Variants in MYZAP observed in about 807,000 individuals in gnomAD.
MYZAP encodes myocardial zonula adherens protein.
In MYZAP, 66 loss-of-function variants were observed where a neutral mutation model predicts 69.4. That is an observed-to-expected ratio of 0.95 (90% CI 0.78 to 1.17). The LOEUF is 1.17. MYZAP is among the 50% of genes most tolerant of loss of function. The pLI, the probability that MYZAP is intolerant of heterozygous loss-of-function variation, is 0.00. For missense variants in MYZAP, 611 were observed against 556.2 expected, an observed-to-expected ratio of 1.10 and a Z score of -0.99; for synonymous variants, 256 against 205.9, an observed-to-expected ratio of 1.24 and a Z score of -2.09.
At chr15:57,657,295 A>G (rs183735498) in intron 10 of MYZAP, among the ~76,000 whole-genome samples, 1 of 152,284 alleles carries the variant, frequency 6.6e-6, no homozygotes, top group Admixed American at 6.5e-5. Flanking sequence ...TCATTTAAAG[A>G]TTTTAAAAGT....
At chr15:57,610,548 C>A (rs769639204) in intron 2 of MYZAP, among the ~76,000 whole-genome samples, 44 of 152,162 alleles carry the variant, frequency 2.9e-4, no homozygotes, top group Non-Finnish European at 5.1e-4. Flanking sequence ...GTCCCGGCTT[C>A]CTCATGAACC....
chr15:57,631,966 C>T (rs2036532378), intron 6 of MYZAP, among the ~76,000 whole-genome samples: 1 of 152,150 alleles, frequency 6.6e-6, no homozygotes, highest in African/African-American at 2.4e-5. Flanking sequence ...TTCTCACCTC[C>T]TAAGCCAGGC....
chr15:57,631,576 G>A (rs1282132887), intron 6 of MYZAP, among the ~76,000 whole-genome samples: 1 of 152,070 alleles, frequency 6.6e-6, no homozygotes, highest in African/African-American at 2.4e-5. Flanking sequence ...CACTGCAAAT[G>A]GAGCACACAG....
intron 1 of MYZAP, among the ~76,000 whole-genome samples, chr15:57,593,882 G>A (rs1410536945): frequency 6.6e-6 from 1 of 152,148 alleles, no homozygotes. Context: ...GCTGGGGATT[G>A]TGTGTGTGGT....
chr15:57,593,353 T>G (rs1463013950), intron 1 of MYZAP, among the ~76,000 whole-genome samples: 2 of 152,124 alleles, frequency 1.3e-5, no homozygotes, highest in African/African-American at 4.8e-5. Flanking sequence ...AGTTGGGTGT[T>G]TGTATTTTTC....
In MYZAP at chr15:57,624,813, T is replaced by G. The variant is rs1164581758; in HGVS notation, c.412-966T>G. Reference sequence around the variant, plus strand: ...CACTGCTGAACACAAAGCTGCCACATGCTCCTGGGCCTGGCTTGCTGCTTC... The same window carrying G: ...CACTGCTGAACACAAAGCTGCCACAGGCTCCTGGGCCTGGCTTGCTGCTTC... On this transcript the variant is annotated intron_variant, in intron 4 of 12. Transcript: ENST00000267853. Among the ~76,000 whole-genome samples the G allele has an allele frequency of 3.3e-5, 5 of 152,302 alleles. No homozygotes were observed. In the East Asian group the frequency reaches 9.7e-4, roughly 29 times the overall value.
intron 3 of MYZAP, among the ~76,000 whole-genome samples, chr15:57,620,837 A>G (rs2035760354): frequency 6.6e-6 from 1 of 152,134 alleles, no homozygotes. Context: ...TTCTACTTGT[A>G]AAAACATGTG....
intron 4 of MYZAP, among the ~76,000 whole-genome samples, chr15:57,624,465 G>T (rs575803849): frequency 6.6e-6 from 1 of 152,138 alleles, no homozygotes; most frequent in Non-Finnish European, 1.5e-5. Context: ...TAGGAATGGG[G>T]CTGTATAAAC....
intron 7 of MYZAP, 68 bp from the exon 8 acceptor site, chr15:57,633,545 T>C (rs951531514): frequency 5.2e-6 from 8 of 1,537,686 alleles, no homozygotes; most frequent in Non-Finnish European, 7.0e-6. Flanking sequence ...AGGCCTGAGC[T>C]GATTGGATCC....
At chr15:57,621,155 T>C (rs1052240986) in intron 3 of MYZAP, among the ~76,000 whole-genome samples, 9 of 148,598 alleles carry the variant, frequency 6.1e-5, no homozygotes, top group Non-Finnish European at 8.9e-5. Flanking sequence ...TCCCTTAATT[T>C]CCTGTCTTGT....
intron 10 of MYZAP, among the ~76,000 whole-genome samples, chr15:57,641,550 G>A (rs1234248278): frequency 6.6e-6 from 1 of 152,194 alleles, no homozygotes; most frequent in Non-Finnish European, 1.5e-5. Flanking sequence ...GGAAGGCCCA[G>A]TCGTTGGAAA....
intron 10 of MYZAP, among the ~76,000 whole-genome samples, chr15:57,643,090 T>G (rs1241054096): frequency 6.6e-6 from 1 of 152,198 alleles, no homozygotes; most frequent in Non-Finnish European, 1.5e-5. Context: ...TCCAGCTGAT[T>G]CTGGCTTTGA....
chr15:57,678,041 C>CAAAAAAAAAAAAAAAA (rs56102709), intron 12 of MYZAP, among the ~76,000 whole-genome samples: 55 of 116,218 alleles, frequency 4.7e-4, no homozygotes, highest in African/African-American at 7.7e-4. Flanking sequence ...TTATCTCTAC[C>CAAAAAAAAAAAAAAAA]AAAAAAAAAA....
At chr15:57,651,285 A>C (rs2037713745) in intron 10 of MYZAP, among the ~76,000 whole-genome samples, 1 of 152,200 alleles carries the variant, frequency 6.6e-6, no homozygotes, top group Non-Finnish European at 1.5e-5. Flanking sequence ...ACTCCCTTGG[A>C]CACTCCTGTT....
At chr15:57,655,971 G>A (rs1456285732) in intron 10 of MYZAP, among the ~76,000 whole-genome samples, 1 of 152,186 alleles carries the variant, frequency 6.6e-6, no homozygotes, top group Non-Finnish European at 1.5e-5. Context: ...TAATGCCCTG[G>A]TTTGAGTTTG....
chr15:57,596,214 G>T (rs1262675049), intron 1 of MYZAP, among the ~76,000 whole-genome samples: 3 of 152,172 alleles, frequency 2.0e-5, no homozygotes, highest in Admixed American at 1.3e-4. Context: ...GGCACTGATG[G>T]AGTGCTGCGT....
intron 1 of MYZAP, among the ~76,000 whole-genome samples, chr15:57,598,016 TA>T (rs1324712698): frequency 1.3e-5 from 2 of 152,238 alleles, no homozygotes; most frequent in African/African-American, 2.4e-5. Flanking sequence ...TGCACTTGGC[TA>T]ATTTCCTTAG....
chr15:57,624,379 T>C (rs1419403732), intron 4 of MYZAP, among the ~76,000 whole-genome samples: 1 of 152,100 alleles, frequency 6.6e-6, no homozygotes, highest in Non-Finnish European at 1.5e-5. Context: ...GCTACGTAAA[T>C]ATATCTCCCT....
rs145878663 is a variant in MYZAP at position 57,684,355 on chromosome 15, G to A, written c.1305-47G>A. 1,415 of 1,275,110 alleles carry A rather than the reference G, an allele frequency of 1.1e-3. 28 individuals carry two copies. In the East Asian group the frequency reaches 0.029, roughly 26 times the overall value. 79.0% of individuals were successfully genotyped at this position (1,275,110 alleles called of 1,614,324 possible). A position where few individuals can be genotyped will look rare whatever the true frequency, so the allele number is the denominator to read the frequency against. Reference sequence around the variant, plus strand: ...TCTTACCATGTGAAGCATATGGGGGGTTTTGTTTTGTTTCATTTTCCTGAC... The same window carrying A: ...TCTTACCATGTGAAGCATATGGGGGATTTTGTTTTGTTTCATTTTCCTGAC... On this transcript the variant is annotated intron_variant, in intron 12 of 12. Transcript: ENST00000267853.
Sources: gnomAD v4.1 joint callset for allele counts (sites outside exome capture counted in the v4.1 genomes callset) on GRCh38, gnomAD v4.1.1 for gene constraint, MANE v1.5 for transcripts, NCBI Gene and HGNC (gene_info 2026-07-23, HGNC 2026-07-21) for gene names.